TAF3: variants seen among roughly 807,000 people sequenced by gnomAD.
TAF3 encodes transcription initiation factor TFIID subunit 3.
Under a neutral mutation model 80.6 loss-of-function variants are expected in TAF3, and 7 were observed. The observed-to-expected ratio is 0.09, with a 90% CI of 0.05 to 0.16. The LOEUF is 0.16. TAF3 is among the 10% of genes least tolerant of loss of function. The probability of loss-of-function intolerance (pLI) is 1.00; values close to 1 mark genes in which losing one functional copy is unlikely to be tolerated. For missense variants in TAF3, 921 were observed against 1,140.2 expected (o/e 0.81, Z 2.77); for synonymous variants, 444 against 446.1 (o/e 1.00, Z 0.06).
chr10:7,968,119 G>T (rs1394184024), intron 3 of TAF3, among the ~76,000 whole-genome samples: 1 of 152,076 alleles, frequency 6.6e-6, no homozygotes, highest in Non-Finnish European at 1.5e-5. Flanking sequence ...CAGAAGTAAG[G>T]CACCAAAGGT....
chr10:7,852,318 G>T (rs534345222), intron 2 of TAF3, among the ~76,000 whole-genome samples: 1 of 152,298 alleles, frequency 6.6e-6, no homozygotes, highest in South Asian at 2.1e-4. Context: ...TGTTATAAAC[G>T]TTTGTTGGTT....
intron 4 of TAF3, among the ~76,000 whole-genome samples, chr10:7,989,094 G>T (rs1831808266): frequency 6.6e-6 from 1 of 152,108 alleles, no homozygotes; most frequent in South Asian, 2.1e-4. Flanking sequence ...CAAAGCATGT[G>T]ATCTACCAAG....
At position 7,866,910 on chromosome 10, in the gene TAF3, T is replaced by G. The variant is rs534567166; in HGVS notation, c.409+42350T>G. ...AAATGGGAACTCCAAATTTAAAAGA[T>G]AAATTTTAGATCAATGTGCAATTTA... On this transcript the variant is annotated intron_variant, in intron 2 of 6. Transcript: ENST00000344293. 1.2e-4 allele frequency among the ~76,000 whole-genome samples: 19 copies of G among 152,346 alleles called. No homozygotes were observed. The East Asian group carries it at 3.5e-3, about 28-fold the overall frequency.
intron 2 of TAF3, among the ~76,000 whole-genome samples, chr10:7,869,469 G>A (rs1837245374): frequency 6.6e-6 from 1 of 152,154 alleles, no homozygotes; most frequent in South Asian, 2.1e-4. Flanking sequence ...TTATCCTCAT[G>A]GGAGCATAGT....
intron 2 of TAF3, among the ~76,000 whole-genome samples, chr10:7,891,388 A>AT (rs1231019531): frequency 6.6e-6 from 1 of 152,198 alleles, no homozygotes; most frequent in Non-Finnish European, 1.5e-5. Context: ...CCTATAAATT[A>AT]TATCATTTTT....
intron 2 of TAF3, among the ~76,000 whole-genome samples, chr10:7,838,922 T>TTTTTTTTTTTC (rs2131112460): frequency 7.0e-6 from 1 of 142,352 alleles, no homozygotes; most frequent in African/African-American, 2.6e-5. Context: ...TTTTTTTTTT[T>TTTTTTTTTTTC]TGGTTTGTTT....
intron 3 of TAF3, among the ~76,000 whole-genome samples, chr10:7,972,775 C>T (rs1246372248): frequency 3.9e-5 from 6 of 152,118 alleles, no homozygotes; most frequent in Admixed American, 3.9e-4. Flanking sequence ...TTTAAGACAG[C>T]GTTGAAAACC....
At chr10:7,859,207 G>T (rs1837117586) in intron 2 of TAF3, among the ~76,000 whole-genome samples, 1 of 151,856 alleles carries the variant, frequency 6.6e-6, no homozygotes, top group African/African-American at 2.4e-5. Flanking sequence ...CTTGCAGTGA[G>T]CTGAGATCAT....
chr10:7,952,569 G>A (rs969310742), intron 2 of TAF3, among the ~76,000 whole-genome samples: 2 of 152,164 alleles, frequency 1.3e-5, no homozygotes, highest in African/African-American at 4.8e-5. Flanking sequence ...TTAACATATA[G>A]ATTAGGCCAT....
At chr10:7,912,062 G>A (rs920092963) in intron 2 of TAF3, among the ~76,000 whole-genome samples, 3 of 152,112 alleles carry the variant, frequency 2.0e-5, no homozygotes, top group African/African-American at 7.2e-5. Flanking sequence ...TTATGTCATT[G>A]TAGTTTGGGA....
intron 2 of TAF3, among the ~76,000 whole-genome samples, chr10:7,888,391 A>G (rs909839358): frequency 1.3e-5 from 2 of 150,266 alleles, no homozygotes; most frequent in African/African-American, 5.0e-5. Flanking sequence ...CTAAATTTAT[A>G]AAAAAAAAGT....
chr10:8,009,610 A>G lies in TAF3; in HGVS notation c.2568+280A>G, dbSNP rs1588350018. Among the ~76,000 whole-genome samples, 1 of 146,038 alleles carries G rather than the reference A, an allele frequency of 6.8e-6. No individual in the cohort carries two copies. On this transcript the variant is annotated intron_variant, in intron 5 of 6. Coordinates refer to ENST00000344293, the MANE Select transcript of TAF3 (RefSeq NM_031923.4). This position sits in a 1 kb window ranked among gnomAD's most constrained non-coding sequence, Gnocchi z 4.1. ...CCTGAGCCACTGCCCCTGGCCAGAC[A>G]CGTTTCTTTTTTTTTCTTTTTTTTT...
At chr10:7,875,530 G>A (rs1210385987) in intron 2 of TAF3, among the ~76,000 whole-genome samples, 1 of 152,186 alleles carries the variant, frequency 6.6e-6, no homozygotes, top group African/African-American at 2.4e-5. Context: ...AACGGATGCT[G>A]TCCTTCCAGA....
chr10:7,925,222 A>G (rs1837803491), intron 2 of TAF3, among the ~76,000 whole-genome samples: 1 of 152,168 alleles, frequency 6.6e-6, no homozygotes, highest in African/African-American at 2.4e-5. Context: ...AACTATGTTC[A>G]TTACACATTT....
At chr10:7,918,322 C>T (rs1732610441) in intron 2 of TAF3, among the ~76,000 whole-genome samples, 1 of 152,102 alleles carries the variant, frequency 6.6e-6, no homozygotes. Context: ...CCAGGCAGTG[C>T]TGTGGGCCCA....
At chr10:7,855,618 C>T (rs942137121) in intron 2 of TAF3, among the ~76,000 whole-genome samples, 3 of 152,162 alleles carry the variant, frequency 2.0e-5, no homozygotes, top group African/African-American at 7.2e-5. Context: ...GTGGAGTCCC[C>T]ACTTCCCAAG....
intron 2 of TAF3, among the ~76,000 whole-genome samples, chr10:7,870,696 T>G (rs969170616): frequency 1.1e-4 from 17 of 152,092 alleles, no homozygotes; most frequent in African/African-American, 4.1e-4. Context: ...GAGTTCGCCT[T>G]CCTTCACTTC....
At chr10:7,993,880 C>CTTTTTTTTTTTTTTTTTTTTTT (rs953356058) in intron 4 of TAF3, among the ~76,000 whole-genome samples, 1 of 104,420 alleles carries the variant, frequency 9.6e-6, no homozygotes, top group African/African-American at 3.7e-5. Context: ...AATATACAAT[C>CTTTTTTTTTTTTTTTTTTTTTT]TTTTTTTTTT....
chr10:7,945,126 G>A (rs752616584), intron 2 of TAF3, among the ~76,000 whole-genome samples: 62 of 152,252 alleles, frequency 4.1e-4, no homozygotes, highest in Admixed American at 2.6e-4. Flanking sequence ...AGCCTTTCCC[G>A]ATGCACAGTC....
Sources: gnomAD v4.1 joint callset for allele counts (sites outside exome capture counted in the v4.1 genomes callset) on GRCh38, gnomAD v4.1.1 for gene constraint, Gnocchi (gnomAD v3.1) non-coding constraint, MANE v1.5 for transcripts, NCBI Gene and HGNC (gene_info 2026-07-23, HGNC 2026-07-21) for gene names.